TANGO2: variants seen among roughly 807,000 people sequenced by gnomAD.
TANGO2 encodes transport and Golgi organization protein 2 homolog.
TANGO2 carries 26 observed loss-of-function variants against 39.1 expected under a neutral mutation model. That is an observed-to-expected ratio of 0.67 (90% confidence interval 0.49 to 0.92). The LOEUF (loss-of-function observed/expected upper bound fraction) is 0.92, where lower values mean the gene tolerates loss of function less well. Among genes scored for constraint, TANGO2 ranks in the 40% least tolerant of loss-of-function variants. TANGO2 has a pLI of 0.00. For synonymous variants in TANGO2, 131 were observed against 144.5 expected, an observed-to-expected ratio of 0.91 and a Z score of 0.67; for missense variants, 326 against 360.1, an observed-to-expected ratio of 0.91 and a Z score of 0.77.
chr22:20,024,513 G>A (rs962221694), intron 1 of TANGO2, among the ~76,000 whole-genome samples: 2 of 152,230 alleles, frequency 1.3e-5, no homozygotes, highest in African/African-American at 4.8e-5. Flanking sequence ...GATGGAGTGG[G>A]GATTACAAGG....
intron 2 of TANGO2, 79 bp downstream of exon 2, chr22:20,036,933 G>A (rs1398652628): frequency 1.2e-6 from 2 of 1,613,974 alleles, no homozygotes; most frequent in African/African-American, 1.3e-5. Context: ...CCAAGCTGCT[G>A]TGTGCAGGAA....
At chr22:20,041,462 G>T (rs1440872054) in intron 2 of TANGO2, among the ~76,000 whole-genome samples, 1 of 151,876 alleles carries the variant, frequency 6.6e-6, no homozygotes, top group Non-Finnish European at 1.5e-5. Flanking sequence ...ACAGGCGCCC[G>T]CCACCACACC....
intron 3 of TANGO2, among the ~76,000 whole-genome samples, chr22:20,050,683 A>G (rs1419484142): frequency 6.9e-6 from 1 of 144,896 alleles, no homozygotes; most frequent in Non-Finnish European, 1.5e-5. Context: ...TTTTAATCAC[A>G]CTAAGGATTT....
intron 1 of TANGO2, among the ~76,000 whole-genome samples, chr22:20,032,583 C>G (rs555442866): frequency 1.3e-5 from 2 of 152,372 alleles, no homozygotes; most frequent in Middle Eastern, 3.4e-3. Context: ...CTTGGACTGC[C>G]AAGGACATGC....
At chr22:20,044,014 T>C (rs1179288022) in intron 3 of TANGO2, among the ~76,000 whole-genome samples, 1 of 152,056 alleles carries the variant, frequency 6.6e-6, no homozygotes, top group Non-Finnish European at 1.5e-5. Context: ...ACCAGCCTCA[T>C]TGAAGTCCTG....
At chr22:20,026,767 A>T (rs1356952833) in intron 1 of TANGO2, among the ~76,000 whole-genome samples, 1 of 152,200 alleles carries the variant, frequency 6.6e-6, no homozygotes, top group Non-Finnish European at 1.5e-5. Flanking sequence ...ATGCCCATAA[A>T]ACCCTGGCGG....
chr22:20,044,451 G>A lies in TANGO2; in HGVS notation c.145+1008G>A, dbSNP rs181078674. On this transcript the variant is annotated intron_variant, in intron 3 of 8. Transcript: ENST00000327374. Reference sequence around the variant, plus strand: ...TGAGGCTAGAGAATTGCCTGAGCCCGGAAAGCAGAGGTTTCAGTGAGCTGA... The same window carrying A: ...TGAGGCTAGAGAATTGCCTGAGCCCAGAAAGCAGAGGTTTCAGTGAGCTGA... Among the ~76,000 whole-genome samples, 32 of 152,322 alleles carry A rather than the reference G, an allele frequency of 2.1e-4. No homozygotes were observed. In the East Asian group the frequency reaches 5.6e-3, roughly 27 times the overall value.
chr22:20,051,414 C>G (rs1466666115), intron 3 of TANGO2, among the ~76,000 whole-genome samples: 1 of 151,964 alleles, frequency 6.6e-6, no homozygotes, highest in Non-Finnish European at 1.5e-5. Context: ...GCCTGTAATT[C>G]CAGCTACTCA....
At chr22:20,036,890 G>A (rs375543526) in intron 2 of TANGO2, 36 bp downstream of exon 2, 1 of 1,614,128 alleles carries the variant, frequency 6.2e-7, no homozygotes, top group African/African-American at 1.3e-5. Flanking sequence ...GCGCCCTGCA[G>A]GGTCCTGGGT....
At chr22:20,052,374 C>T in intron 3 of TANGO2, 91 bp from the exon 4 acceptor site, 1 of 1,520,632 alleles carries the variant, frequency 6.6e-7, no homozygotes, top group Non-Finnish European at 8.9e-7. Context: ...GAGGCAGGAG[C>T]TGGGCCGAGT....
At chr22:20,036,729 C>T (rs146115522) in intron 1 of TANGO2, 31 bp from the exon 2 acceptor site, 20 of 1,593,582 alleles carry the variant, frequency 1.3e-5, no homozygotes, top group African/African-American at 1.1e-4. Flanking sequence ...GTCTGCCATC[C>T]GCTCAACTCA....
chr22:20,051,330 G>C (rs776400921), intron 3 of TANGO2, among the ~76,000 whole-genome samples: 1 of 151,426 alleles, frequency 6.6e-6, no homozygotes, highest in Non-Finnish European at 1.5e-5. Context: ...TTGGGAATTC[G>C]AGACCAGCCT....
chr22:20,017,062 G>C (rs1413695313), upstream of TANGO2: 3 of 152,228 alleles, frequency 2.0e-5, no homozygotes, highest in South Asian at 2.1e-4. Flanking sequence ...CAGGGTACGC[G>C]GGACCGCTCC....
chr22:20,055,976 G>A lies in TANGO2; in HGVS notation c.414G>A (p.Gly138=). ...TAKGDVICYY[G]NRGEPDPIVL... is the part of the protein sequence containing the mutation. ...AGGGAGACGTCATTTGCTACTATGG[G>A]AACCGAGGGGAGCCTGATCCTATCG... The change falls in exon 6 of 9, where the codon GGG becomes GGA. Residue 138 remains glycine, a synonymous_variant. Coordinates refer to ENST00000327374, the MANE Select transcript of TANGO2 (RefSeq NM_152906.7). 1.9e-6 allele frequency: 3 copies of A among 1,614,148 alleles called. No homozygotes were observed. The highest frequency in any genetic ancestry group is 2.2e-5 in the East Asian group (1 of 44,878).
At position 20,052,585 on chromosome 22, in the gene TANGO2, G is replaced by T. The variant is rs1340003604; in HGVS notation, c.265+1G>T. 1 of 1,519,020 alleles carries T rather than the reference G, an allele frequency of 6.6e-7. No homozygotes were observed. The highest frequency in any genetic ancestry group is 8.9e-7 in the Non-Finnish European group (1 of 1,127,360). 94.1% of individuals were successfully genotyped at this position (1,519,020 alleles called of 1,614,324 possible). A position where few individuals can be genotyped will look rare whatever the true frequency, so the allele number is the denominator to read the frequency against. ...CTGGACTGGCAGGCCCGAGGGCGAG[G>T]TAAGGCGAGTGGGGTGGGGCCAAGG... is the stretch of plus-strand genomic sequence containing the variant. On this transcript the variant is annotated splice_donor_variant, in intron 4 of 8. Coordinates refer to ENST00000327374, the MANE Select transcript of TANGO2 (RefSeq NM_152906.7). LOFTEE classifies it high-confidence loss of function.
At chr22:20,017,727 A>C (rs1182708773), upstream of TANGO2, among the ~76,000 whole-genome samples, 1 of 152,108 alleles carries the variant, frequency 6.6e-6, no homozygotes, top group South Asian at 2.1e-4. Flanking sequence ...CGTAGGTTAC[A>C]TTTCCTTGCC....
intron 1 of TANGO2, among the ~76,000 whole-genome samples, chr22:20,026,841 C>T (rs1294768705): frequency 3.9e-5 from 6 of 152,206 alleles, no homozygotes; most frequent in Admixed American, 6.5e-5. Context: ...TGGTGCTAGA[C>T]GTTAGCGGGG....
chr22:20,028,600 A>G (rs921643573), intron 1 of TANGO2, among the ~76,000 whole-genome samples: 1 of 152,196 alleles, frequency 6.6e-6, no homozygotes, highest in Non-Finnish European at 1.5e-5. Flanking sequence ...CAGGCAGCGT[A>G]TGGGAGGGAC....
intron 2 of TANGO2, among the ~76,000 whole-genome samples, chr22:20,041,945 G>A (rs947863327): frequency 6.6e-6 from 1 of 152,012 alleles, no homozygotes; most frequent in African/African-American, 2.4e-5. Context: ...CCTTGGAGCT[G>A]CCTCTCCGGC....
Sources: allele counts gnomAD v4.1 joint callset (sites outside exome capture counted in the v4.1 genomes callset), GRCh38; gene constraint gnomAD v4.1.1; transcripts MANE v1.5; gene names NCBI Gene and HGNC (gene_info 2026-07-23, HGNC 2026-07-21).